The following TRDN variants were observed in gnomAD, a reference collection of about 807,000 sequenced individuals.
TRDN encodes triadin in skeletal muscle.
In TRDN, 161 loss-of-function variants were observed where a neutral mutation model predicts 149.7. The ratio of observed to expected loss-of-function variants is 1.08; its 90% confidence interval spans 0.95 to 1.23. The LOEUF (loss-of-function observed/expected upper bound fraction) is 1.23. TRDN is among the 50% of genes most tolerant of loss of function. TRDN has a pLI of 0.00. For missense variants in TRDN, 896 were observed against 823.5 expected (o/e 1.09, Z -1.08); for synonymous variants, 294 against 250.5 (o/e 1.17, Z -1.64).
intron 20 of TRDN, among the ~76,000 whole-genome samples, chr6:123,365,920 C>T (rs999445530): frequency 6.6e-6 from 1 of 152,082 alleles, no homozygotes; most frequent in Non-Finnish European, 1.5e-5. Context: ...ATTTGACTAG[C>T]ATAACTAGCT....
chr6:123,243,428 C>A (rs895401540), intron 38 of TRDN, among the ~76,000 whole-genome samples: 3 of 151,996 alleles, frequency 2.0e-5, no homozygotes. Context: ...CAATAGATCC[C>A]AATGGAAAAG....
At chr6:123,336,367 A>G (rs1779866570) in intron 22 of TRDN, among the ~76,000 whole-genome samples, 2 of 152,066 alleles carry the variant, frequency 1.3e-5, no homozygotes, top group Non-Finnish European at 2.9e-5. Flanking sequence ...CATTTTGCTG[A>G]AACAAATATG....
At chr6:123,411,025 T>C (rs1421874895) in intron 12 of TRDN, among the ~76,000 whole-genome samples, 3 of 145,844 alleles carry the variant, frequency 2.1e-5, no homozygotes, top group Admixed American at 7.2e-5. Flanking sequence ...ATAAGTTTTG[T>C]TACATGTATG....
chr6:123,579,611 T>A (rs373720196), intron 1 of TRDN, among the ~76,000 whole-genome samples: 3 of 152,268 alleles, frequency 2.0e-5, no homozygotes, highest in East Asian at 3.9e-4. Context: ...CTTTTTTTGT[T>A]GTTGTGCCTC....
At chr6:123,289,908 C>T (rs1435304313) in intron 24 of TRDN, among the ~76,000 whole-genome samples, 2 of 152,076 alleles carry the variant, frequency 1.3e-5, no homozygotes, top group African/African-American at 4.8e-5. Flanking sequence ...TTTTGACTAT[C>T]CCTGGTGAGA....
At chr6:123,389,951 C>CTA (rs1782045396) in intron 13 of TRDN, among the ~76,000 whole-genome samples, 1 of 152,076 alleles carries the variant, frequency 6.6e-6, no homozygotes, top group Non-Finnish European at 1.5e-5. Flanking sequence ...GAGTTTGACT[C>CTA]AACAGACTTT....
At chr6:123,573,929 TAGTTAATA>T (rs1290546848) in intron 1 of TRDN, among the ~76,000 whole-genome samples, 2 of 152,018 alleles carry the variant, frequency 1.3e-5, no homozygotes, top group Non-Finnish European at 2.9e-5. Flanking sequence ...TTAAATACTT[TAGTTAATA>T]AAGTCTTACT....
intron 4 of TRDN, among the ~76,000 whole-genome samples, chr6:123,531,451 A>G (rs1371068303): frequency 6.6e-6 from 1 of 152,046 alleles, no homozygotes; most frequent in East Asian, 1.9e-4. Flanking sequence ...TAGTTTTTCC[A>G]AAAGTCTACT....
chr6:123,286,425 A>G (rs1777806613), intron 24 of TRDN, among the ~76,000 whole-genome samples: 1 of 152,120 alleles, frequency 6.6e-6, no homozygotes, highest in African/African-American at 2.4e-5. Context: ...GTAACTCTGG[A>G]TTGGAAAGCC....
intron 8 of TRDN, chr6:123,502,590 A>C (rs950556930): frequency 2.0e-6 from 2 of 984,884 alleles, no homozygotes; most frequent in East Asian, 1.1e-4. Context: ...CAAGAGAAAA[A>C]AGATGAAAAT....
At chr6:123,307,837 T>C (rs1303535417) in intron 24 of TRDN, among the ~76,000 whole-genome samples, 1 of 152,060 alleles carries the variant, frequency 6.6e-6, no homozygotes, top group Admixed American at 6.6e-5. Flanking sequence ...TTCTTTTTTC[T>C]TATGCTCATT....
chr6:123,356,321 A>G (rs1367522980), intron 20 of TRDN, among the ~76,000 whole-genome samples: 1 of 151,348 alleles, frequency 6.6e-6, no homozygotes, highest in Non-Finnish European at 1.5e-5. Flanking sequence ...AAATGTATCT[A>G]CTATGATGAA....
At chr6:123,307,076 G>T (rs1445709553) in intron 24 of TRDN, among the ~76,000 whole-genome samples, 1 of 151,956 alleles carries the variant, frequency 6.6e-6, no homozygotes, top group Non-Finnish European at 1.5e-5. Flanking sequence ...ATAAGAGGTG[G>T]AAAACATTGT....
intron 24 of TRDN, among the ~76,000 whole-genome samples, chr6:123,287,005 G>A (rs1777826451): frequency 6.6e-6 from 1 of 152,076 alleles, no homozygotes; most frequent in South Asian, 2.1e-4. Context: ...TTATTGCTCT[G>A]AAGGGATAAA....
At chr6:123,388,065 G>T (rs1781973229) in intron 14 of TRDN, among the ~76,000 whole-genome samples, 1 of 150,762 alleles carries the variant, frequency 6.6e-6, no homozygotes. Flanking sequence ...CGGTATATAA[G>T]CCAGAAAAAA....
At chr6:123,618,058 T>C (rs1785191808) in intron 1 of TRDN, among the ~76,000 whole-genome samples, 1 of 152,110 alleles carries the variant, frequency 6.6e-6, no homozygotes, top group African/African-American at 2.4e-5. Context: ...AATTTGCCAT[T>C]CTCCTATGCT....
intron 24 of TRDN, among the ~76,000 whole-genome samples, chr6:123,284,349 G>T (rs1386090514): frequency 1.3e-5 from 2 of 151,754 alleles, no homozygotes. Flanking sequence ...GGGATGCAGG[G>T]ATGGTTTAAC....
At chr6:123,548,934 T>C (rs1424383120) in intron 2 of TRDN, among the ~76,000 whole-genome samples, 2 of 152,074 alleles carry the variant, frequency 1.3e-5, no homozygotes. Flanking sequence ...TTATGGATGT[T>C]CAGGAATGGA....
intron 10 of TRDN, among the ~76,000 whole-genome samples, chr6:123,463,487 C>T (rs1286031602): frequency 2.6e-5 from 4 of 152,052 alleles, no homozygotes; most frequent in Admixed American, 1.3e-4. Context: ...GTTTTATGAG[C>T]CTCTGCTAGG....
Sources: allele counts gnomAD v4.1 joint callset (sites outside exome capture counted in the v4.1 genomes callset), GRCh38; gene constraint gnomAD v4.1.1; transcripts MANE v1.5; gene names NCBI Gene and HGNC (gene_info 2026-07-23, HGNC 2026-07-21).